The following ACBD6 variants were observed in gnomAD, a reference collection of about 807,000 sequenced individuals.
ACBD6 encodes acyl-CoA-binding domain-containing protein 6.
In ACBD6, 28 loss-of-function variants were observed where a neutral mutation model predicts 37.2. The ratio of observed to expected loss-of-function variants is 0.75; its 90% confidence interval spans 0.56 to 1.03. The LOEUF (loss-of-function observed/expected upper bound fraction) is 1.03, where lower values mean the gene tolerates loss of function less well. ACBD6 is among the 50% of genes least tolerant of loss of function. The pLI, the probability that ACBD6 is intolerant of heterozygous loss-of-function variation, is 0.00. For missense variants in ACBD6, 340 were observed against 337.4 expected (o/e 1.01, Z -0.06); for synonymous variants, 113 against 126.8 (o/e 0.89, Z 0.73).
intron 6 of ACBD6, among the ~76,000 whole-genome samples, chr1:180,339,368 A>C (rs1267929875): frequency 1.3e-5 from 2 of 152,178 alleles, no homozygotes; most frequent in Non-Finnish European, 2.9e-5. Flanking sequence ...ATGATGAGTT[A>C]ATGTCCTTTG....
intron 3 of ACBD6, among the ~76,000 whole-genome samples, chr1:180,464,571 G>A (rs1373106900): frequency 6.6e-6 from 1 of 152,046 alleles, no homozygotes; most frequent in African/African-American, 2.4e-5. Flanking sequence ...CCATGCTCAT[G>A]GACAGGAAGA....
At chr1:180,487,805 A>T (rs963125445) in intron 3 of ACBD6, among the ~76,000 whole-genome samples, 4 of 152,204 alleles carry the variant, frequency 2.6e-5, no homozygotes, top group Admixed American at 6.5e-5. Flanking sequence ...GTCACACCTT[A>T]AACTACAAAA....
At chr1:180,285,532 ATATT>A (rs1241122924), downstream of ACBD6, among the ~76,000 whole-genome samples, 1 of 152,296 alleles carries the variant, frequency 6.6e-6, no homozygotes, top group East Asian at 1.9e-4. Context: ...TCTATGATAA[ATATT>A]TATTTATGGA....
intron 3 of ACBD6, among the ~76,000 whole-genome samples, chr1:180,472,532 G>A (rs190083156): frequency 2.0e-4 from 30 of 152,188 alleles, no homozygotes; most frequent in Admixed American, 3.9e-4. Flanking sequence ...GTGTGTGTGC[G>A]GGGGTGCGGG....
chr1:180,277,503 C>CAAGT (rs546661405), intron 9 of ACBD6: 8 of 152,142 alleles, frequency 5.3e-5, no homozygotes, highest in Non-Finnish European at 1.0e-4. Flanking sequence ...GTTAAAACCC[C>CAAGT]AAGTTCCAGT....
At chr1:180,388,704 G>A (rs1474857794) in intron 6 of ACBD6, among the ~76,000 whole-genome samples, 2 of 151,920 alleles carry the variant, frequency 1.3e-5, no homozygotes, top group African/African-American at 2.4e-5. Context: ...GCCTTCCAAA[G>A]TGCTGGGATT....
At chr1:180,485,220 C>T (rs1018243699) in intron 3 of ACBD6, among the ~76,000 whole-genome samples, 4 of 152,082 alleles carry the variant, frequency 2.6e-5, no homozygotes, top group Non-Finnish European at 4.4e-5. Context: ...TTTCTAAATA[C>T]TATTCTCTAC....
chr1:180,459,937 C>A (rs541482546), intron 3 of ACBD6, among the ~76,000 whole-genome samples: 1 of 146,612 alleles, frequency 6.8e-6, no homozygotes, highest in Admixed American at 6.8e-5. Flanking sequence ...CACAGCACAG[C>A]TATTCTACAA....
At chr1:180,365,673 A>G (rs865925713) in intron 6 of ACBD6, among the ~76,000 whole-genome samples, 1 of 152,196 alleles carries the variant, frequency 6.6e-6, no homozygotes, top group South Asian at 2.1e-4. Flanking sequence ...TAAGAGCAAC[A>G]CTACATTGCC....
At chr1:180,283,136 C>G (rs1380122032) in intron 8 of ACBD6, among the ~76,000 whole-genome samples, 4 of 152,114 alleles carry the variant, frequency 2.6e-5, no homozygotes, top group Non-Finnish European at 5.9e-5. Flanking sequence ...TAAGCTTGTA[C>G]TTTAAAAGAG....
chr1:180,346,969 C>T (rs966973504), intron 6 of ACBD6, among the ~76,000 whole-genome samples: 4 of 151,980 alleles, frequency 2.6e-5, no homozygotes, highest in Admixed American at 6.6e-5. Context: ...TGAGCTGTGA[C>T]CATGCCACTG....
intron 6 of ACBD6, among the ~76,000 whole-genome samples, chr1:180,389,620 A>C (rs567239616): frequency 6.6e-6 from 1 of 152,362 alleles, no homozygotes; most frequent in East Asian, 1.9e-4. Flanking sequence ...TCCCACCAAC[A>C]GTGTAAAAGT....
At chr1:180,402,252 A>C (rs1398451552) in intron 5 of ACBD6, among the ~76,000 whole-genome samples, 2 of 152,152 alleles carry the variant, frequency 1.3e-5, no homozygotes, top group African/African-American at 2.4e-5. Flanking sequence ...TTCCCTGTCC[A>C]TAGTGAAATG....
chr1:180,413,803 G>T (rs1245631402), intron 4 of ACBD6, among the ~76,000 whole-genome samples: 1 of 152,126 alleles, frequency 6.6e-6, no homozygotes, highest in Non-Finnish European at 1.5e-5. Flanking sequence ...TTATAAGATA[G>T]TAGAATCAAA....
chr1:180,474,771 G>C (rs1017271662), intron 3 of ACBD6, among the ~76,000 whole-genome samples: 4 of 152,146 alleles, frequency 2.6e-5, no homozygotes, highest in Non-Finnish European at 5.9e-5. Flanking sequence ...TTTTGTACCA[G>C]TGTATTTTTA....
intron 3 of ACBD6, among the ~76,000 whole-genome samples, chr1:180,442,777 A>G (rs1649330632): frequency 6.6e-6 from 1 of 152,058 alleles, no homozygotes; most frequent in African/African-American, 2.4e-5. Flanking sequence ...TTTTTACTTC[A>G]GATATTATAT....
At position 180,408,526 on chromosome 1, in the gene ACBD6, A is replaced by T. The variant is rs1164606819; in HGVS notation, c.573+4840T>A. 3.3e-5 allele frequency among the ~76,000 whole-genome samples: 5 copies of T among 152,068 alleles called. No homozygotes were observed. In the East Asian group the frequency reaches 9.7e-4, roughly 29 times the overall value. ...ACACTCTGGGGACTGTTGTGGGGTG[A>T]GGGGAGGGGGACAGATAGCATTAGG... On this transcript the variant is annotated intron_variant, in intron 5 of 7. Transcript: ENST00000367595.
At chr1:180,307,239 G>A (rs1455121522) in intron 7 of ACBD6, among the ~76,000 whole-genome samples, 4 of 152,336 alleles carry the variant, frequency 2.6e-5, no homozygotes, top group African/African-American at 9.6e-5. Flanking sequence ...TATGTTAAGT[G>A]AAATATGCCA....
chr1:180,464,275 A>G (rs1447450618), intron 3 of ACBD6, among the ~76,000 whole-genome samples: 2 of 152,182 alleles, frequency 1.3e-5, no homozygotes, highest in East Asian at 1.9e-4. Context: ...ACATGATTCC[A>G]TATCTAGAAA....
Sources: gnomAD v4.1 joint callset for allele counts (sites outside exome capture counted in the v4.1 genomes callset) on GRCh38, gnomAD v4.1.1 for gene constraint, MANE v1.5 for transcripts, NCBI Gene and HGNC (gene_info 2026-07-23, HGNC 2026-07-21) for gene names.